PCDH15: variants seen among roughly 807,000 people sequenced by gnomAD.
The protein encoded by PCDH15 is protocadherin-15.
Under a neutral mutation model 178.5 loss-of-function variants are expected in PCDH15, and 129 were observed. The ratio of observed to expected loss-of-function variants is 0.72; its 90% CI spans 0.63 to 0.84. The LOEUF (loss-of-function observed/expected upper bound fraction) is 0.84. PCDH15 is among the 40% of genes least tolerant of loss of function. The probability of loss-of-function intolerance (pLI) is 0.00; values close to 1 mark genes in which losing one functional copy is unlikely to be tolerated. For synonymous variants in PCDH15, 800 were observed against 732.0 expected (o/e 1.09, Z -1.50); for missense variants, 2,230 against 2,099.9 (o/e 1.06, Z -1.21).
At chr10:53,875,377 TAAG>T (rs1278672178) in intron 26 of PCDH15, among the ~76,000 whole-genome samples, 4 of 152,020 alleles carry the variant, frequency 2.6e-5, no homozygotes, top group Non-Finnish European at 4.4e-5. Flanking sequence ...TTAATAGTAA[TAAG>T]GAGATGTCTA....
At chr10:54,737,134 C>T (rs1944229246) in intron 1 of PCDH15, among the ~76,000 whole-genome samples, 1 of 152,064 alleles carries the variant, frequency 6.6e-6, no homozygotes, top group Admixed American at 6.6e-5. Flanking sequence ...CAGAAAGGAC[C>T]TGATGTTAGA....
chr10:54,276,177 T>C (rs966118770), intron 8 of PCDH15, among the ~76,000 whole-genome samples: 3 of 151,588 alleles, frequency 2.0e-5, no homozygotes, highest in South Asian at 4.1e-4. Context: ...TTAAAACTCA[T>C]GCAAAATAGC....
chr10:55,402,261 T>A (rs554735435), intron 2 of PCDH15, among the ~76,000 whole-genome samples: 1 of 152,088 alleles, frequency 6.6e-6, no homozygotes, highest in Non-Finnish European at 1.5e-5. Context: ...TAATTACATA[T>A]ATTTATGGGG....
chr10:54,678,671 G>C (rs576539101), intron 1 of PCDH15, among the ~76,000 whole-genome samples: 4 of 152,138 alleles, frequency 2.6e-5, no homozygotes, highest in African/African-American at 9.6e-5. Context: ...GTGAATTTTA[G>C]ATATTGGTTA....
intron 2 of PCDH15, among the ~76,000 whole-genome samples, chr10:55,609,379 G>A (rs1237012457): frequency 6.6e-6 from 1 of 152,078 alleles, no homozygotes; most frequent in Non-Finnish European, 1.5e-5. Flanking sequence ...TTCATAAATA[G>A]CTATAAATAT....
intron 2 of PCDH15, among the ~76,000 whole-genome samples, chr10:54,909,040 T>C (rs1251553017): frequency 6.6e-6 from 1 of 152,056 alleles, no homozygotes; most frequent in African/African-American, 2.4e-5. Context: ...GCAGAGAGGG[T>C]AGTTTCTCTC....
intron 2 of PCDH15, among the ~76,000 whole-genome samples, chr10:55,428,868 C>T (rs546497283): frequency 8.6e-5 from 13 of 151,602 alleles, no homozygotes; most frequent in African/African-American, 3.1e-4. Flanking sequence ...CATTAATATC[C>T]GTTTTTCCCA....
intron 1 of PCDH15, among the ~76,000 whole-genome samples, chr10:54,762,834 C>T (rs1262827943): frequency 6.6e-6 from 1 of 152,058 alleles, no homozygotes; most frequent in Non-Finnish European, 1.5e-5. Flanking sequence ...TGCATTCATA[C>T]ATTTGAACTG....
intron 8 of PCDH15, among the ~76,000 whole-genome samples, chr10:54,316,299 C>T (rs1191010401): frequency 6.6e-6 from 1 of 152,020 alleles, no homozygotes; most frequent in Admixed American, 6.6e-5. Context: ...TCTGGCTTTA[C>T]ATTTAGGAGG....
At chr10:55,209,932 C>A (rs974730280) in intron 1 of PCDH15, among the ~76,000 whole-genome samples, 1 of 151,776 alleles carries the variant, frequency 6.6e-6, no homozygotes, top group African/African-American at 2.4e-5. Flanking sequence ...AGAGGAGGAA[C>A]AAGTGAAAAG....
At chr10:55,400,866 G>T (rs912658557) in intron 2 of PCDH15, among the ~76,000 whole-genome samples, 3 of 152,020 alleles carry the variant, frequency 2.0e-5, no homozygotes, top group Non-Finnish European at 4.4e-5. Flanking sequence ...TGTGCACTAT[G>T]ATTTCTTCAC....
intron 2 of PCDH15, among the ~76,000 whole-genome samples, chr10:54,647,123 C>A (rs1733010836): frequency 6.6e-6 from 1 of 151,990 alleles, no homozygotes; most frequent in African/African-American, 2.4e-5. Flanking sequence ...AAAGAGAATG[C>A]AGTATATACA....
chr10:54,851,204 C>T (rs1407502665), intron 3 of PCDH15, among the ~76,000 whole-genome samples: 2 of 151,966 alleles, frequency 1.3e-5, no homozygotes, highest in Non-Finnish European at 2.9e-5. Context: ...CATTGCATGC[C>T]TGTATCAAAA....
chr10:55,419,523 G>T (rs1185124343), intron 2 of PCDH15, among the ~76,000 whole-genome samples: 3 of 151,812 alleles, frequency 2.0e-5, no homozygotes, highest in Non-Finnish European at 4.4e-5. Context: ...AATGGAGAAA[G>T]AATTGCACTA....
chr10:54,394,988 T>C (rs111229614), intron 3 of PCDH15, among the ~76,000 whole-genome samples: 13,744 of 152,234 alleles, frequency 0.09, 715 homozygotes, highest in Middle Eastern at 0.17. Flanking sequence ...GAACAATTGC[T>C]GTTATCCTGT....
intron 5 of PCDH15, among the ~76,000 whole-genome samples, chr10:54,348,561 A>C (rs770012037): frequency 6.6e-6 from 1 of 152,154 alleles, no homozygotes; most frequent in Non-Finnish European, 1.5e-5. Flanking sequence ...TGATATTTTT[A>C]TTACCAACTT....
chr10:54,364,223 A>C (rs1039407522), intron 5 of PCDH15, among the ~76,000 whole-genome samples: 2 of 152,076 alleles, frequency 1.3e-5, no homozygotes, highest in Non-Finnish European at 2.9e-5. Flanking sequence ...AAAAAAAAAA[A>C]AATTGACCTT....
At chr10:54,476,112 TAA>T (rs1373628484) in intron 3 of PCDH15, among the ~76,000 whole-genome samples, 1 of 151,460 alleles carries the variant, frequency 6.6e-6, no homozygotes, top group Non-Finnish European at 1.5e-5. Context: ...TCATTCATAA[TAA>T]GTTACATGGT....
chr10:54,716,238 G>C (rs1209757147), intron 1 of PCDH15, among the ~76,000 whole-genome samples: 3 of 152,126 alleles, frequency 2.0e-5, no homozygotes, highest in Admixed American at 2.0e-4. Flanking sequence ...CCCATGGTCT[G>C]AGGCAACAGA....
Sources: allele counts gnomAD v4.1 joint callset (sites outside exome capture counted in the v4.1 genomes callset), GRCh38; gene constraint gnomAD v4.1.1; transcripts MANE v1.5; gene names NCBI Gene and HGNC (gene_info 2026-07-23, HGNC 2026-07-21).